Variants in DOCK8 observed in about 807,000 individuals in gnomAD.
The protein encoded by DOCK8 is dedicator of cytokinesis 8, also known as dedicator of cytokinesis protein 8.
A neutral mutation model predicts 245.6 loss-of-function variants in DOCK8; 141 were observed. That is an observed-to-expected ratio of 0.57 (90% confidence interval 0.50 to 0.66). The LOEUF (loss-of-function observed/expected upper bound fraction) is 0.66, where lower values mean the gene tolerates loss of function less well. Among genes scored for constraint, DOCK8 ranks in the 30% least tolerant of loss-of-function variants. The probability of loss-of-function intolerance (pLI) is 0.00; values close to 1 mark genes in which losing one functional copy is unlikely to be tolerated. For synonymous variants in DOCK8, 1,168 were observed against 970.2 expected (o/e 1.20, Z -3.79); for missense variants, 2,965 against 2,603.4 (o/e 1.14, Z -3.02).
At chr9:400,415 C>CCTT (rs2054862575) in intron 26 of DOCK8, among the ~76,000 whole-genome samples, 1 of 71,666 alleles carries the variant, frequency 1.4e-5, no homozygotes. Context: ...ATCACCACCA[C>CCTT]CACCTCCACC....
At chr9:399,587 C>G (rs949245545) in intron 26 of DOCK8, among the ~76,000 whole-genome samples, 2 of 152,112 alleles carry the variant, frequency 1.3e-5, no homozygotes, top group African/African-American at 2.4e-5. Context: ...CAGTCTTTGA[C>G]AAGTCCTTGC....
chr9:226,547 G>A (rs933931629), intron 1 of DOCK8, among the ~76,000 whole-genome samples: 10 of 152,132 alleles, frequency 6.6e-5, no homozygotes, highest in African/African-American at 2.4e-4. Flanking sequence ...AGCTGAGAAG[G>A]AGAGAACCAG....
chr9:251,077 G>A (rs1042984720), intron 1 of DOCK8, among the ~76,000 whole-genome samples: 2 of 152,160 alleles, frequency 1.3e-5, no homozygotes, highest in East Asian at 1.9e-4. Context: ...AGGTAATGTA[G>A]GAAACATTTG....
At chr9:223,710 A>G (rs2046931667) in intron 1 of DOCK8, among the ~76,000 whole-genome samples, 1 of 151,998 alleles carries the variant, frequency 6.6e-6, no homozygotes, top group South Asian at 2.1e-4. Flanking sequence ...GCAAGTATCT[A>G]AAGGTCTCCA....
chr9:339,223 T>A, intron 13 of DOCK8, 124 bp downstream of exon 13: 1 of 856,160 alleles, frequency 1.2e-6, no homozygotes, highest in Non-Finnish European at 1.9e-6. Context: ...GATTTTGTGT[T>A]AGGGGTTAAG....
chr9:333,558 G>A (rs1046918083), intron 10 of DOCK8, among the ~76,000 whole-genome samples: 13 of 150,956 alleles, frequency 8.6e-5, no homozygotes, highest in South Asian at 2.1e-4. Flanking sequence ...CCGAGATCGT[G>A]CCACTGCACT....
chr9:278,810 G>C (rs1306930751), intron 2 of DOCK8, among the ~76,000 whole-genome samples: 1 of 152,236 alleles, frequency 6.6e-6, no homozygotes, highest in African/African-American at 2.4e-5. Flanking sequence ...TGCAGTCATA[G>C]AGAAAGCAGG....
intron 2 of DOCK8, among the ~76,000 whole-genome samples, chr9:274,912 C>T (rs1222584680): frequency 1.3e-5 from 2 of 152,196 alleles, no homozygotes; most frequent in Non-Finnish European, 2.9e-5. Context: ...GGCCCACTTG[C>T]TGATACAAAT....
chr9:419,967 C>T (rs1428002061), intron 30 of DOCK8: 1 of 260,858 alleles, frequency 3.8e-6, no homozygotes, highest in Admixed American at 4.9e-5. Flanking sequence ...ATTCATGGCA[C>T]CCAGCCAGTT....
intron 1 of DOCK8, among the ~76,000 whole-genome samples, chr9:226,585 A>G (rs145103746): frequency 3.9e-4 from 60 of 152,206 alleles, no homozygotes; most frequent in African/African-American, 1.4e-3. Flanking sequence ...TTCTGGAGCT[A>G]GGGCTGACGA....
At chr9:324,952 G>GT (rs984406043) in intron 7 of DOCK8, among the ~76,000 whole-genome samples, 33 of 152,094 alleles carry the variant, frequency 2.2e-4, no homozygotes, top group African/African-American at 3.6e-4. Context: ...CCAGTATGTA[G>GT]TTTTTTTATC....
At chr9:397,075 G>T in intron 25 of DOCK8, 141 bp downstream of exon 25, 1 of 1,044,246 alleles carries the variant, frequency 9.6e-7, no homozygotes. Flanking sequence ...ATGTTATACT[G>T]GACTGGACCC....
intron 2 of DOCK8, among the ~76,000 whole-genome samples, chr9:274,465 C>CTTT (rs71312800): frequency 0.31 from 44,193 of 144,664 alleles, 7,123 homozygotes; most frequent in South Asian, 0.46. Context: ...GGATTGAATT[C>CTTT]TTTTTTTTTT....
chr9:354,480 A>ATT (rs112595321), intron 14 of DOCK8, among the ~76,000 whole-genome samples: 2,572 of 152,322 alleles, frequency 0.017, 89 homozygotes, highest in African/African-American at 0.059. Flanking sequence ...TTAGTTATCT[A>ATT]TTGCTGTATA....
intron 12 of DOCK8, among the ~76,000 whole-genome samples, chr9:337,620 T>A (rs1365455070): frequency 6.6e-6 from 1 of 152,160 alleles, no homozygotes; most frequent in East Asian, 1.9e-4. Context: ...TTCCAGATGG[T>A]ACTCTTTGTT....
At chr9:451,260 GAGA>G (rs1254779061) in intron 45 of DOCK8, among the ~76,000 whole-genome samples, 9 of 152,038 alleles carry the variant, frequency 5.9e-5, no homozygotes, top group Non-Finnish European at 1.3e-4. Flanking sequence ...GTAGTGAGCT[GAGA>G]TTATGCCACT....
chr9:332,525 A>T, intron 10 of DOCK8, 47 bp downstream of exon 10: 1 of 1,387,654 alleles, frequency 7.2e-7, no homozygotes, highest in Non-Finnish European at 1.0e-6. Context: ...TAGAAGAAGC[A>T]GGTATTTTCA....
At chr9:450,629 C>T (rs1430920828) in intron 45 of DOCK8, among the ~76,000 whole-genome samples, 2 of 152,160 alleles carry the variant, frequency 1.3e-5, no homozygotes, top group African/African-American at 4.8e-5. Context: ...TTTTCTCATT[C>T]AGCGTAATTG....
At position 370,241 on chromosome 9, in the gene DOCK8, A is replaced by T. The variant is rs1446362759; in HGVS notation, c.1809A>T (p.Gly603=). 6.2e-7 allele frequency: 1 copy of T among 1,613,948 alleles called. No homozygotes were observed. Among genetic ancestry groups the T allele is most frequent in the East Asian group, 2.2e-5 (1 of 44,900 alleles). ...DASNAMPVIF[G]KSSGPEFLQE... is the part of the protein sequence containing the mutation. ...CTACTGGTGAACAGGTCATCTTTGG[A>T]AAATCCAGCGGGCCTGAATTTCTGC... Residue 603 remains glycine (G), a synonymous_variant, in exon 16 of 48, where the codon GGA becomes GGT. Transcript: ENST00000432829.
Sources: gnomAD v4.1 joint callset for allele counts (sites outside exome capture counted in the v4.1 genomes callset) on GRCh38, gnomAD v4.1.1 for gene constraint, MANE v1.5 for transcripts, NCBI Gene and HGNC (gene_info 2026-07-23, HGNC 2026-07-21) for gene names.